Variants in JMY observed in about 807,000 individuals in gnomAD.
JMY encodes junction mediating and regulatory protein, p53 cofactor.
A neutral mutation model predicts 103.3 loss-of-function variants in JMY; 46 were observed. The ratio of observed to expected loss-of-function variants is 0.45; its 90% confidence interval spans 0.35 to 0.57. The LOEUF (loss-of-function observed/expected upper bound fraction) is 0.57, where lower values mean the gene tolerates loss of function less well. Among genes scored for constraint, JMY ranks in the 20% least tolerant of loss-of-function variants. JMY has a pLI of 0.00. For missense variants in JMY, 1,238 were observed against 1,255.2 expected, an observed-to-expected ratio of 0.99 and a Z score of 0.21; for synonymous variants, 526 against 489.3, an observed-to-expected ratio of 1.07 and a Z score of -0.99.
In JMY at chr5:79,316,320, C is replaced by T. The variant is rs933985254; in HGVS notation, c.*3+10C>T. On this transcript the variant is annotated intron_variant, in intron 10 of 10. Transcript: ENST00000396137. ...CTGGGAGAACTAACAAGTAAACGGC[C>T]TTATTGTCTTTAGTAGCATTCAGTA... 12 of 1,586,644 alleles carry T rather than the reference C, an allele frequency of 7.6e-6. No homozygotes were observed. Among genetic ancestry groups the T allele is most frequent in the Non-Finnish European group, 9.4e-6 (11 of 1,164,840 alleles).
chr5:79,266,196 ATTTG>A (rs1234918485), intron 1 of JMY, among the ~76,000 whole-genome samples: 2 of 152,108 alleles, frequency 1.3e-5, no homozygotes, highest in East Asian at 1.9e-4. Context: ...TCAGTTTTAA[ATTTG>A]TTTGGGAGTT....
rs750324553 is a variant in JMY at position 79,278,013 on chromosome 5, T to C, written c.1136T>C (p.Leu379Pro). ...AGCCTTGCAGAAGCTACAACCGAAC[T>C]CTATCAGTATTTACTACAGCCATTC... ...YSSLAEATTE[L>P]YQYLLQPFRD... Residue 379 changes from leucine (L) to proline (P), a missense_variant, in exon 2 of 11, where the codon CTC becomes CCC. Physicochemically the swap from Leu to Pro is moderately conservative, Grantham distance 98. Coordinates refer to ENST00000396137, the MANE Select transcript of JMY (RefSeq NM_152405.5). 4.3e-6 allele frequency: 7 copies of C among 1,613,914 alleles called. No homozygotes were observed.
At chr5:79,281,846 G>A (rs141960557) in intron 2 of JMY, among the ~76,000 whole-genome samples, 36 of 152,294 alleles carry the variant, frequency 2.4e-4, no homozygotes, top group African/African-American at 7.9e-4. Context: ...TAGTAAAATT[G>A]CTTACAGGAA....
chr5:79,251,764 T>G (rs935430788), intron 1 of JMY, among the ~76,000 whole-genome samples: 2 of 151,934 alleles, frequency 1.3e-5, no homozygotes, highest in African/African-American at 4.8e-5. Context: ...GATTTTTATT[T>G]TTTTATTTTT....
At chr5:79,315,571 A>T (rs1176163431) in intron 9 of JMY, among the ~76,000 whole-genome samples, 1 of 152,226 alleles carries the variant, frequency 6.6e-6, no homozygotes, top group African/African-American at 2.4e-5. Flanking sequence ...AGGATTTCAC[A>T]TGTAAAACAA....
At position 79,324,805 on chromosome 5, in the gene JMY, T is replaced by C. The variant is rs1747578650; in HGVS notation, c.*3203T>C. ...AATGCATTTTTTAAAAGGAGACTCCTAGACACAGCTGTAATAGTGGGAATA... is the reference window on the plus strand; with the variant it reads ...AATGCATTTTTTAAAAGGAGACTCCCAGACACAGCTGTAATAGTGGGAATA... On this transcript the variant is annotated 3_prime_UTR_variant, in exon 11 of 11. Coordinates refer to ENST00000396137, the MANE Select transcript of JMY (RefSeq NM_152405.5). The C allele has an allele frequency of 1.3e-5, 2 of 152,640 alleles. No homozygotes were observed. The highest frequency in any genetic ancestry group is 2.4e-5 in the African/African-American group (1 of 41,474). The allele number at this position is 152,640 out of a possible 1,614,324, so 9.5% of individuals were successfully genotyped here.
At chr5:79,253,070 A>G (rs573414862) in intron 1 of JMY, among the ~76,000 whole-genome samples, 1 of 151,896 alleles carries the variant, frequency 6.6e-6, no homozygotes, top group East Asian at 1.9e-4. Flanking sequence ...TTGCGAATCC[A>G]TTGTATGTTT....
intron 8 of JMY, 24 bp downstream of exon 8, chr5:79,312,522 ATTGT>A (rs1747085907): frequency 3.6e-6 from 4 of 1,114,166 alleles, no homozygotes; most frequent in South Asian, 3.7e-5. Flanking sequence ...TGGTCCATTT[ATTGT>A]TTTTCTTTTT....
intron 2 of JMY, among the ~76,000 whole-genome samples, chr5:79,286,200 G>T (rs756569347): frequency 2.0e-5 from 3 of 152,104 alleles, no homozygotes; most frequent in African/African-American, 7.2e-5. Context: ...TCAGTTAAAA[G>T]ACAGCATTAA....
chr5:79,268,427 T>G (rs924711789), intron 1 of JMY, among the ~76,000 whole-genome samples: 2 of 152,202 alleles, frequency 1.3e-5, no homozygotes, highest in African/African-American at 4.8e-5. Context: ...GTATCTCATT[T>G]TGATTTATAA....
At chr5:79,314,154 C>A in intron 8 of JMY, 103 bp from the exon 9 acceptor site, 1 of 1,496,018 alleles carries the variant, frequency 6.7e-7, no homozygotes, top group South Asian at 1.4e-5. Context: ...CCACCACACC[C>A]GGCCACATAA....
At chr5:79,298,168 G>C (rs1188603073) in intron 4 of JMY, among the ~76,000 whole-genome samples, 2 of 152,172 alleles carry the variant, frequency 1.3e-5, no homozygotes, top group African/African-American at 2.4e-5. Flanking sequence ...TAGTTGGGTA[G>C]AACCAGAGTA....
At chr5:79,240,754 T>C (rs1360588678) in intron 1 of JMY, among the ~76,000 whole-genome samples, 1 of 152,242 alleles carries the variant, frequency 6.6e-6, no homozygotes, top group Non-Finnish European at 1.5e-5. Flanking sequence ...ATGTCTGCCA[T>C]GGGCATGATA....
intron 8 of JMY, 85 bp downstream of exon 8, chr5:79,312,583 TGGGAAAAAC>T: frequency 1.5e-6 from 1 of 661,150 alleles, no homozygotes. Context: ...GATTTCTTTG[TGGGAAAAAC>T]TTGGTTTTCC....
rs199879072 is a variant in JMY at position 79,258,305 on chromosome 5, G to GTTTTTTTTTTT, written c.1033-19600_1033-19599insTTTTTTTTTTT. 9.4e-5 allele frequency among the ~76,000 whole-genome samples: 11 copies of GTTTTTTTTTTT among 117,022 alleles called. 1 individual carries two copies. Among genetic ancestry groups the GTTTTTTTTTTT allele is most frequent in the African/African-American group, 1.5e-4 (5 of 33,890 alleles). The allele number at this position is 117,022 out of a possible 152,430, so 76.8% of individuals were successfully genotyped here. A position where few individuals can be genotyped will look rare whatever the true frequency, so the allele number is the denominator to read the frequency against. On this transcript the variant is annotated intron_variant, in intron 1 of 10. Coordinates refer to ENST00000396137, the MANE Select transcript of JMY (RefSeq NM_152405.5). ...AAATTCAGATATTAGGGCTTTTTTT[G>GTTTTTTTTTTT]TTTTTGTTGTTTTTTTTTTTTTTTT... is the stretch of plus-strand genomic sequence containing the variant.
chr5:79,253,460 T>G (rs1338805748), intron 1 of JMY, among the ~76,000 whole-genome samples: 1 of 151,992 alleles, frequency 6.6e-6, no homozygotes, highest in East Asian at 1.9e-4. Flanking sequence ...GCCCAGCTGG[T>G]TTTTTGTGTT....
At chr5:79,261,133 C>T (rs1407284061) in intron 1 of JMY, among the ~76,000 whole-genome samples, 1 of 152,072 alleles carries the variant, frequency 6.6e-6, no homozygotes, top group Non-Finnish European at 1.5e-5. Flanking sequence ...CTTTTGGTTC[C>T]TAAATAAGAT....
At chr5:79,302,636 C>CATGCT (rs1429967780) in intron 6 of JMY, among the ~76,000 whole-genome samples, 1 of 152,188 alleles carries the variant, frequency 6.6e-6, no homozygotes, top group African/African-American at 2.4e-5. Flanking sequence ...CATTGTAAGA[C>CATGCT]ATGCTGCAGG....
At chr5:79,319,423 A>G (rs1171282867) in intron 10 of JMY, among the ~76,000 whole-genome samples, 1 of 152,198 alleles carries the variant, frequency 6.6e-6, no homozygotes, top group Non-Finnish European at 1.5e-5. Context: ...ATAGACTAGT[A>G]TGGACTGATT....
Sources: allele counts gnomAD v4.1 joint callset (sites outside exome capture counted in the v4.1 genomes callset), GRCh38; gene constraint gnomAD v4.1.1; transcripts MANE v1.5; gene names NCBI Gene and HGNC (gene_info 2026-07-23, HGNC 2026-07-21).